UAP1L1: variants seen among roughly 807,000 people sequenced by gnomAD.
UAP1L1 encodes UDP-N-acetylhexosamine pyrophosphorylase-like protein 1.
UAP1L1 carries 45 observed loss-of-function variants against 45.3 expected under a neutral mutation model. The observed-to-expected ratio is 0.99, with a 90% confidence interval of 0.78 to 1.27. The LOEUF is 1.27. Among genes scored for constraint, UAP1L1 ranks in the 50% most tolerant of loss-of-function variants. UAP1L1 has a pLI of 0.00. For synonymous variants in UAP1L1, 323 were observed against 303.9 expected (o/e 1.06, Z -0.65); for missense variants, 667 against 694.0 (o/e 0.96, Z 0.44).
chr9:137,077,799 A>T lies in UAP1L1; in HGVS notation c.267A>T (p.Thr89=), dbSNP rs981471537. 2 of 1,380,990 alleles carry T rather than the reference A, an allele frequency of 1.4e-6. No homozygotes were observed. Among genetic ancestry groups the T allele is most frequent in the African/African-American group, 1.5e-5 (1 of 65,928 alleles). The allele number at this position is 1,380,990 out of a possible 1,614,324, so 85.5% of individuals were successfully genotyped here. ...GGGCCAGCCGCAGCGACCCCGAGAC[A>T]CGGCGGCGCTGGGAGGAGGAAGGTA... is the stretch of plus-strand genomic sequence containing the variant. ...VGRASRSDPE[T]RRRWEEEGFR... The change falls in exon 1 of 9, where the codon ACA becomes ACT. Residue 89 remains threonine (T), a synonymous_variant. Coordinates refer to ENST00000409858, the MANE Select transcript of UAP1L1 (RefSeq NM_207309.3). The surrounding 1 kb of genome is among the most constrained non-coding windows in gnomAD (Gnocchi z 4.7).
chr9:137,082,041 C>T lies in UAP1L1; in HGVS notation c.1408C>T (p.Pro470Ser), dbSNP rs1169810445. The change falls in exon 8 of 9, where the codon CCC becomes TCC. Residue 470 changes from proline to serine, a missense_variant. By Grantham distance (74) the Pro-to-Ser change is moderately conservative. Transcript: ENST00000409858. This position sits in a 1 kb window ranked among gnomAD's most constrained non-coding sequence, Gnocchi z 5.7. ...CCCTCCGGCCATCTGTGAGATATCG[C>T]CCTTGGTGTCTTACTCTGGAGAGGT... ...GDPPAICEIS[P>S]LVSYSGEGLE... 3 of 1,614,042 alleles carry T rather than the reference C, an allele frequency of 1.9e-6. No individual in the cohort carries two copies. Among genetic ancestry groups the T allele is most frequent in the East Asian group, 2.2e-5 (1 of 44,886 alleles).
Position 137,077,550 on chromosome 9 carries a change from C to T in UAP1L1, c.18C>T (p.Asp6=), listed in dbSNP as rs962779716. The T allele has an allele frequency of 1.2e-5, 17 of 1,390,058 alleles. No homozygotes were observed. The African/African-American group carries it at 2.6e-4, about 21-fold the overall frequency. The allele number at this position is 1,390,058 out of a possible 1,614,324, so 86.1% of individuals were successfully genotyped here. Reference sequence around the variant, plus strand: ...GCGGCGACATGGCTTCGGAGCAGGACGTGCGCGCCCGGCTGCAGCGCGCTG... The same window carrying T: ...GCGGCGACATGGCTTCGGAGCAGGATGTGCGCGCCCGGCTGCAGCGCGCTG... MASEQ[D]VRARLQRAGQ... Residue 6 remains aspartate (D), a synonymous_variant, in exon 1 of 9, where the codon GAC becomes GAT. Coordinates refer to ENST00000409858, the MANE Select transcript of UAP1L1 (RefSeq NM_207309.3). The surrounding 1 kb of genome is among the most constrained non-coding windows in gnomAD (Gnocchi z 4.7).
chr9:137,079,807 C>T lies in UAP1L1; in HGVS notation c.1038-195C>T, dbSNP rs116013163. On this transcript the variant is annotated intron_variant, in intron 5 of 8. Transcript: ENST00000409858. Reference sequence around the variant, plus strand: ...GTGGCTGATGGTGCCTGGCACTTGGCACAGGGATGCAGGGAGGAGGCCTGT... The same window carrying T: ...GTGGCTGATGGTGCCTGGCACTTGGTACAGGGATGCAGGGAGGAGGCCTGT... The T allele has an allele frequency of 9.7e-4, 647 of 666,608 alleles. 3 individuals carry two copies. The African/African-American group carries it at 0.011, about 11-fold the overall frequency. 41.3% of individuals were successfully genotyped at this position (666,608 alleles called of 1,614,324 possible).
In UAP1L1 at chr9:137,078,572, C is replaced by T. The variant is rs113895171; in HGVS notation, c.565C>T (p.Leu189=). ...EFFREHNFFH[L]DPANVVMFEQ... ...CTTCAGGGAGCACAACTTCTTCCACCTGGACCCCGCCAACGTGGTCATGTT... is the reference window on the plus strand; with the variant it reads ...CTTCAGGGAGCACAACTTCTTCCACTTGGACCCCGCCAACGTGGTCATGTT... Residue 189 remains leucine (L), a synonymous_variant, in exon 3 of 9, where the codon CTG becomes TTG. Transcript: ENST00000409858. The T allele has an allele frequency of 1.0e-4, 167 of 1,613,218 alleles. No individual in the cohort carries two copies. The Middle Eastern group carries it at 1.8e-3, about 18-fold the overall frequency.
Position 137,083,382 on chromosome 9 carries a change from A to G in UAP1L1, c.*653A>G, listed in dbSNP as rs1222287390. ...GATGTCCATGATCCAGGTGGCTCTG[A>G]GAAGCTTGGCCTGGACACCTGAGCC... On this transcript the variant is annotated 3_prime_UTR_variant, in exon 9 of 9. Transcript: ENST00000409858. 2 of 152,394 alleles carry G rather than the reference A, an allele frequency of 1.3e-5. No individual in the cohort carries two copies. The highest frequency in any genetic ancestry group is 6.5e-5 in the Admixed American group (1 of 15,288). The allele number at this position is 152,394 out of a possible 1,614,324, so 9.4% of individuals were successfully genotyped here. A position where few individuals can be genotyped will look rare whatever the true frequency, so the allele number is the denominator to read the frequency against.
intron 5 of UAP1L1, 195 bp from the exon 6 acceptor site, chr9:137,079,807 C>A: frequency 1.5e-6 from 1 of 666,606 alleles, no homozygotes; most frequent in Non-Finnish European, 2.5e-6. Context: ...TGGCACTTGG[C>A]ACAGGGATGC....
Position 137,082,164 on chromosome 9 carries a change from C to T in UAP1L1, c.1431+100C>T. The T allele has an allele frequency of 1.7e-6, 2 of 1,164,796 alleles. No individual in the cohort carries two copies. 72.2% of individuals were successfully genotyped at this position (1,164,796 alleles called of 1,614,324 possible). A position where few individuals can be genotyped will look rare whatever the true frequency, so the allele number is the denominator to read the frequency against. On this transcript the variant is annotated intron_variant, in intron 8 of 8. Transcript: ENST00000409858. The surrounding 1 kb of genome is among the most constrained non-coding windows in gnomAD (Gnocchi z 5.7). ...TCGGGTGGAGACGGCACAGCTCTAC[C>T]TCGGTTAACCAATGGGGTCGGTGGT...
intron 7 of UAP1L1, 141 bp from the exon 8 acceptor site, chr9:137,081,857 C>T (rs1832791749): frequency 1.2e-6 from 1 of 826,636 alleles, no homozygotes; most frequent in African/African-American, 1.7e-5. Context: ...TTTGGGGTGT[C>T]CAGAGGAAGA....
intron 6 of UAP1L1, 95 bp downstream of exon 6, chr9:137,080,237 G>C: frequency 6.6e-7 from 1 of 1,512,468 alleles, no homozygotes; most frequent in South Asian, 1.2e-5. Flanking sequence ...AGAGGCTTGA[G>C]GGAGCCAAGG....
rs1244882368 is a variant in UAP1L1, at chr9:137,078,637, G to A, written c.630G>A (p.Lys210=). Reference sequence around the variant, plus strand: ...TGCCTGCTGTGACCTTTGATGGCAAGGTTATCCTGGAGCGGAAAGACAAAG... The same window carrying A: ...TGCCTGCTGTGACCTTTGATGGCAAAGTTATCCTGGAGCGGAAAGACAAAG... ...RLLPAVTFDG[K]VILERKDKVA... The change falls in exon 3 of 9, where the codon AAG becomes AAA. Residue 210 remains lysine (K), a synonymous_variant. Transcript: ENST00000409858. The A allele has an allele frequency of 6.2e-7, 1 of 1,612,874 alleles. No individual in the cohort carries two copies. Among genetic ancestry groups the A allele is most frequent in the Non-Finnish European group, 8.5e-7 (1 of 1,179,944 alleles).
intron 5 of UAP1L1, 60 bp from the exon 6 acceptor site, chr9:137,079,942 C>T: frequency 7.6e-6 from 12 of 1,589,318 alleles, no homozygotes; most frequent in Admixed American, 1.7e-5. Flanking sequence ...GGGGACAGAG[C>T]CCCCAGCGGT....
intron 3 of UAP1L1, 135 bp from the exon 4 acceptor site, chr9:137,078,841 C>G (rs1419316679): frequency 4.6e-6 from 6 of 1,307,964 alleles, no homozygotes; most frequent in Non-Finnish European, 3.1e-6. Flanking sequence ...GGTACACCAA[C>G]TGGGCTGTCT....
At chr9:137,081,699 G>A (rs1588573540) in intron 7 of UAP1L1, among the ~76,000 whole-genome samples, 1 of 152,234 alleles carries the variant, frequency 6.6e-6, no homozygotes, top group East Asian at 1.9e-4. Context: ...TCAGGGCTGG[G>A]AAAGAAAAGG....
chr9:137,079,440 C>T lies in UAP1L1; in HGVS notation c.1028C>T (p.Ala343Val), dbSNP rs1360867267. Residue 343 changes from alanine (A) to valine (V), a missense_variant, in exon 5 of 9, where the codon GCG (alanine) becomes GTG (valine). Ala to Val is a moderately conservative substitution (Grantham distance 64, BLOSUM62 0). Coordinates refer to ENST00000409858, the MANE Select transcript of UAP1L1 (RefSeq NM_207309.3). ...TTCTTCACCCGAGGCTTCCTTAAGG[C>T]GGTCACCAGGTGTGCGGCAGCAGGT... Reference protein sequence around the residue: ...NHFFTRGFLKAVTREFEPLLK... With the variant: ...NHFFTRGFLKVVTREFEPLLK... 4 of 1,588,092 alleles carry T rather than the reference C, an allele frequency of 2.5e-6. No homozygotes were observed. The highest frequency in any genetic ancestry group is 2.6e-6 in the Non-Finnish European group (3 of 1,161,734).
In UAP1L1 at chr9:137,082,125, G is replaced by A. The variant is rs151110925; in HGVS notation, c.1431+61G>A. ...GTGTCAGGTTTGGAATACCATCTGG[G>A]GAGAGGTGGCTGCTCGGGTGGAGAC... On this transcript the variant is annotated intron_variant, in intron 8 of 8. Coordinates refer to ENST00000409858, the MANE Select transcript of UAP1L1 (RefSeq NM_207309.3). This position sits in a 1 kb window ranked among gnomAD's most constrained non-coding sequence, Gnocchi z 5.7. The A allele has an allele frequency of 8.4e-6, 13 of 1,551,492 alleles. No individual in the cohort carries two copies. Among genetic ancestry groups the A allele is most frequent in the African/African-American group, 5.4e-5 (4 of 73,824 alleles).
Position 137,079,166 on chromosome 9 carries a change from C to T in UAP1L1, c.843+18C>T. On this transcript the variant is annotated intron_variant, in intron 4 of 8. Coordinates refer to ENST00000409858, the MANE Select transcript of UAP1L1 (RefSeq NM_207309.3). ...GCGCCAAGGTTAGCGCCCGACTGCG[C>T]GGCGCCCCGCACCCGAGGCTGGCCC... is the stretch of plus-strand genomic sequence containing the variant. 6.2e-7 allele frequency: 1 copy of T among 1,601,190 alleles called. No individual in the cohort carries two copies. The highest frequency in any genetic ancestry group is 1.8e-4 in the Middle Eastern group (1 of 5,686).
chr9:137,079,445 A>G lies in UAP1L1; in HGVS notation c.1033A>G (p.Thr345Ala). 3 of 1,584,314 alleles carry G rather than the reference A, an allele frequency of 1.9e-6. No homozygotes were observed. The highest frequency in any genetic ancestry group is 2.6e-6 in the Non-Finnish European group (3 of 1,159,492). Reference sequence around the variant, plus strand: ...CACCCGAGGCTTCCTTAAGGCGGTCACCAGGTGTGCGGCAGCAGGTGGCTG... The same window carrying G: ...CACCCGAGGCTTCCTTAAGGCGGTCGCCAGGTGTGCGGCAGCAGGTGGCTG... ...FFTRGFLKAV[T>A]REFEPLLKPH... The change falls in exon 5 of 9, where the codon ACC becomes GCC. Residue 345 changes from threonine (T) to alanine (A), a missense_variant. Physicochemically the swap from Thr to Ala is moderately conservative, Grantham distance 58. Coordinates refer to ENST00000409858, the MANE Select transcript of UAP1L1 (RefSeq NM_207309.3).
rs935634013 is a variant in UAP1L1 at position 137,080,260 on chromosome 9, A to T, written c.1178+118A>T. 7 of 1,342,064 alleles carry T rather than the reference A, an allele frequency of 5.2e-6. No individual in the cohort carries two copies. In the African/African-American group the frequency reaches 7.3e-5, roughly 14 times the overall value. 83.1% of individuals were successfully genotyped at this position (1,342,064 alleles called of 1,614,324 possible). A position where few individuals can be genotyped will look rare whatever the true frequency, so the allele number is the denominator to read the frequency against. ...GAGGGAGCCAAGGGCCCCGCGGGCA[A>T]GTCTCAGGGAGAAGACCAGAGGGTG... On this transcript the variant is annotated intron_variant, in intron 6 of 8. Transcript: ENST00000409858.
chr9:137,082,022 G>T lies in UAP1L1; in HGVS notation c.1389G>T (p.Pro463=). The change falls in exon 8 of 9, where the codon CCG becomes CCT. Residue 463 remains proline (P), a synonymous_variant. Coordinates refer to ENST00000409858, the MANE Select transcript of UAP1L1 (RefSeq NM_207309.3). The surrounding 1 kb of genome is among the most constrained non-coding windows in gnomAD (Gnocchi z 5.7). ...LPSLPPNGDP[P]AICEISPLVS... ...GCTTGCCCCCAAATGGAGACCCTCC[G>T]GCCATCTGTGAGATATCGCCCTTGG... 1 of 1,614,038 alleles carries T rather than the reference G, an allele frequency of 6.2e-7. No homozygotes were observed. The highest frequency in any genetic ancestry group is 8.5e-7 in the Non-Finnish European group (1 of 1,180,020).
Sources: gnomAD v4.1 joint callset for allele counts (sites outside exome capture counted in the v4.1 genomes callset) on GRCh38, gnomAD v4.1.1 for gene constraint, Gnocchi (gnomAD v3.1) non-coding constraint, MANE v1.5 for transcripts, NCBI Gene and HGNC (gene_info 2026-07-23, HGNC 2026-07-21) for gene names.